SDK1: variants seen among roughly 807,000 people sequenced by gnomAD.
SDK1 encodes the protein protein sidekick-1.
In SDK1, 157 loss-of-function variants were observed where a neutral mutation model predicts 245.5. That is an observed-to-expected ratio of 0.64 (90% confidence interval 0.56 to 0.73). The LOEUF (loss-of-function observed/expected upper bound fraction) is 0.73. SDK1 is among the 30% of genes least tolerant of loss of function. The pLI, the probability that SDK1 is intolerant of heterozygous loss-of-function variation, is 0.00. For synonymous variants in SDK1, 1,647 were observed against 1,278.5 expected (o/e 1.29, Z -6.15); for missense variants, 3,583 against 3,002.3 (o/e 1.19, Z -4.52).
intron 5 of SDK1, among the ~76,000 whole-genome samples, chr7:3,890,218 A>T (rs1374396631): frequency 6.6e-6 from 1 of 152,206 alleles, no homozygotes; most frequent in Non-Finnish European, 1.5e-5. Context: ...TCTAGTCTAG[A>T]GAATTACTCT....
At chr7:3,333,686 T>C (rs1195842447) in intron 1 of SDK1, among the ~76,000 whole-genome samples, 1 of 152,220 alleles carries the variant, frequency 6.6e-6, no homozygotes, top group Non-Finnish European at 1.5e-5. Context: ...GGCTCAGCAC[T>C]TCTGGATAAA....
intron 1 of SDK1, among the ~76,000 whole-genome samples, chr7:3,427,076 G>A (rs1190492623): frequency 2.0e-5 from 3 of 152,180 alleles, no homozygotes; most frequent in Non-Finnish European, 2.9e-5. Context: ...GATGGTTCAA[G>A]CTGAACTACA....
At chr7:4,033,217 C>T (rs932144257) in intron 17 of SDK1, among the ~76,000 whole-genome samples, 3 of 152,036 alleles carry the variant, frequency 2.0e-5, no homozygotes, top group Non-Finnish European at 2.9e-5. Context: ...ATAAAATAGA[C>T]TTTTTGATAA....
chr7:4,177,211 T>A lies in SDK1; in HGVS notation c.4997-1274T>A, dbSNP rs628060. On this transcript the variant is annotated intron_variant, in intron 34 of 44. Coordinates refer to ENST00000404826, the MANE Select transcript of SDK1 (RefSeq NM_152744.4). ...GGACGGGCGCCTGAGTCACGGAAGC[T>A]TTGCTGGGCTGGTAGCTGGCAGGAG... Among the ~76,000 whole-genome samples, 7 of 151,996 alleles carry A rather than the reference T, an allele frequency of 4.6e-5. No homozygotes were observed. In the East Asian group the frequency reaches 5.8e-4, roughly 13 times the overall value.
At chr7:3,928,713 T>C (rs1205843561) in intron 5 of SDK1, among the ~76,000 whole-genome samples, 1 of 152,164 alleles carries the variant, frequency 6.6e-6, no homozygotes, top group East Asian at 1.9e-4. Context: ...CATCCCCTAA[T>C]CTGCCCCTAG....
intron 4 of SDK1, among the ~76,000 whole-genome samples, chr7:3,657,196 C>T (rs1783213296): frequency 6.6e-6 from 1 of 152,178 alleles, no homozygotes; most frequent in Non-Finnish European, 1.5e-5. Flanking sequence ...GGCATTCGTG[C>T]ACCTTAGGGC....
intron 5 of SDK1, among the ~76,000 whole-genome samples, chr7:3,920,809 G>C (rs1176331816): frequency 6.6e-6 from 1 of 152,114 alleles, no homozygotes; most frequent in Non-Finnish European, 1.5e-5. Context: ...GCATTGCATG[G>C]GACATAAAGT....
chr7:3,740,059 T>C (rs1275838892), intron 4 of SDK1, among the ~76,000 whole-genome samples: 1 of 152,194 alleles, frequency 6.6e-6, no homozygotes, highest in Admixed American at 6.5e-5. Flanking sequence ...CTTTAAATTA[T>C]TTGAGGGATA....
intron 1 of SDK1, among the ~76,000 whole-genome samples, chr7:3,532,205 C>G (rs889528977): frequency 6.6e-6 from 1 of 152,150 alleles, no homozygotes; most frequent in Non-Finnish European, 1.5e-5. Context: ...TTCTTTCTCC[C>G]TTAATGAGTT....
intron 1 of SDK1, among the ~76,000 whole-genome samples, chr7:3,368,469 C>G (rs150591018): frequency 2.6e-5 from 4 of 152,256 alleles, no homozygotes; most frequent in African/African-American, 7.2e-5. Context: ...GGTTTTGAAG[C>G]AGAGCAATCA....
intron 4 of SDK1, among the ~76,000 whole-genome samples, chr7:3,781,385 C>A (rs746069877): frequency 2.0e-5 from 3 of 152,110 alleles, no homozygotes; most frequent in Non-Finnish European, 4.4e-5. Flanking sequence ...CCAGGATTAT[C>A]ACCAGATGGC....
intron 1 of SDK1, among the ~76,000 whole-genome samples, chr7:3,570,930 T>A (rs1473139888): frequency 6.6e-6 from 1 of 152,036 alleles, no homozygotes; most frequent in Non-Finnish European, 1.5e-5. Flanking sequence ...GATTTATGTG[T>A]TTATGCATGA....
At chr7:3,446,407 A>T (rs1038115871) in intron 1 of SDK1, among the ~76,000 whole-genome samples, 3 of 152,168 alleles carry the variant, frequency 2.0e-5, no homozygotes, top group Non-Finnish European at 4.4e-5. Context: ...AATTGCGGAA[A>T]GTTGGAGACA....
intron 5 of SDK1, among the ~76,000 whole-genome samples, chr7:3,945,534 G>T (rs1780539879): frequency 6.6e-6 from 1 of 151,964 alleles, no homozygotes; most frequent in Non-Finnish European, 1.5e-5. Flanking sequence ...ATGAACAGAG[G>T]ACAAAAAGTT....
intron 1 of SDK1, among the ~76,000 whole-genome samples, chr7:3,522,894 G>C (rs73671891): frequency 0.017 from 813 of 46,640 alleles, 6 homozygotes; most frequent in African/African-American, 0.068. Flanking sequence ...GATCTGATTA[G>C]TTTGTTAAAT....
chr7:3,444,606 G>A (rs979975206), intron 1 of SDK1, among the ~76,000 whole-genome samples: 1 of 152,256 alleles, frequency 6.6e-6, no homozygotes, highest in African/African-American at 2.4e-5. Context: ...TTGTTCGTTA[G>A]TGTTCGCCTT....
At chr7:3,531,944 C>A (rs1002020370) in intron 1 of SDK1, among the ~76,000 whole-genome samples, 3 of 152,118 alleles carry the variant, frequency 2.0e-5, no homozygotes, top group Admixed American at 2.0e-4. Context: ...AGTAACACAC[C>A]ATTTATCTGG....
intron 1 of SDK1, among the ~76,000 whole-genome samples, chr7:3,519,101 T>G (rs1275615806): frequency 6.6e-6 from 1 of 152,030 alleles, no homozygotes; most frequent in Non-Finnish European, 1.5e-5. Context: ...AGAAGTTGAT[T>G]TCATAGAAGT....
At position 3,445,898 on chromosome 7, in the gene SDK1, GT is replaced by G. The variant is rs202176593; in HGVS notation, c.298+144021del. 3.9e-3 allele frequency among the ~76,000 whole-genome samples: 584 copies of G among 150,736 alleles called. 4 individuals are homozygous for G. The highest frequency in any genetic ancestry group is 0.014 in the African/African-American group (556 of 41,070). On this transcript the variant is annotated intron_variant, in intron 1 of 44. Transcript: ENST00000404826. ...GTTCTAATATTCTCTTATCACTTTT[GT>G]TTTTTTCAACTTTCTTTACATATTC...
Sources: gnomAD v4.1 joint callset for allele counts (sites outside exome capture counted in the v4.1 genomes callset) on GRCh38, gnomAD v4.1.1 for gene constraint, MANE v1.5 for transcripts, NCBI Gene and HGNC (gene_info 2026-07-23, HGNC 2026-07-21) for gene names.